The following RBFOX1 variants were observed in gnomAD, a reference collection of about 807,000 sequenced individuals.
RBFOX1 encodes RNA binding fox-1 homolog 1.
A neutral mutation model predicts 57.7 loss-of-function variants in RBFOX1; 8 were observed. The ratio of observed to expected loss-of-function variants is 0.14; its 90% confidence interval spans 0.08 to 0.25. The LOEUF is 0.25. Among genes scored for constraint, RBFOX1 ranks in the 10% least tolerant of loss-of-function variants. The probability of loss-of-function intolerance (pLI) is 1.00; values close to 1 mark genes in which losing one functional copy is unlikely to be tolerated. For missense variants in RBFOX1, 611 were observed against 548.5 expected (o/e 1.11, Z -1.14); for synonymous variants, 326 against 222.4 (o/e 1.47, Z -4.15).
chr16:7,156,262 G>GTGTACA (rs61624955), intron 4 of RBFOX1, among the ~76,000 whole-genome samples: 1 of 151,412 alleles, frequency 6.6e-6, no homozygotes, highest in Non-Finnish European at 1.5e-5. Flanking sequence ...ACATATGTAT[G>GTGTACA]TGTACATGTA....
chr16:6,116,859 G>A (rs1045763191), intron 1 of RBFOX1, among the ~76,000 whole-genome samples: 5 of 152,082 alleles, frequency 3.3e-5, no homozygotes, highest in African/African-American at 1.2e-4. Flanking sequence ...AGAGAGGCTG[G>A]TGGCTGTACA....
chr16:5,424,885 TTCTTTCTTTCTTTCTTTC>T (rs1232613579), intron 1 of RBFOX1, among the ~76,000 whole-genome samples: 1 of 50,026 alleles, frequency 2.0e-5, no homozygotes, highest in Admixed American at 2.0e-4. Context: ...TTTTCTTTCT[TTCTTTCTTTCTTTCTTTC>T]TTTCTTTCTT....
intron 5 of RBFOX1, among the ~76,000 whole-genome samples, chr16:7,563,932 G>A (rs1016410427): frequency 6.6e-6 from 1 of 152,102 alleles, no homozygotes; most frequent in Non-Finnish European, 1.5e-5. Context: ...TGTATAGTAG[G>A]TGCTCAGTAA....
intron 2 of RBFOX1, among the ~76,000 whole-genome samples, chr16:5,509,900 C>G (rs2043520871): frequency 1.3e-5 from 2 of 152,068 alleles, no homozygotes; most frequent in African/African-American, 2.4e-5. Context: ...GTGGAGGATC[C>G]CTTGAAGAGA....
chr16:7,036,617 C>G (rs1008865142), intron 3 of RBFOX1, among the ~76,000 whole-genome samples: 1 of 151,836 alleles, frequency 6.6e-6, no homozygotes, highest in East Asian at 1.9e-4. Context: ...CGCTTGAAAC[C>G]GTAAGGCGGA....
chr16:5,560,340 C>T (rs1327329875), intron 2 of RBFOX1, among the ~76,000 whole-genome samples: 1 of 152,082 alleles, frequency 6.6e-6, no homozygotes, highest in Non-Finnish European at 1.5e-5. Flanking sequence ...GTCACCTCCT[C>T]TAGGAACCAT....
intron 4 of RBFOX1, among the ~76,000 whole-genome samples, chr16:7,352,345 G>A (rs556147955): frequency 5.3e-5 from 8 of 152,262 alleles, no homozygotes; most frequent in East Asian, 3.9e-4. Flanking sequence ...TGACCAAGTC[G>A]GAGAGAACTG....
At chr16:5,885,638 C>G (rs1597637222) in intron 4 of RBFOX1, among the ~76,000 whole-genome samples, 1 of 152,144 alleles carries the variant, frequency 6.6e-6, no homozygotes, top group Admixed American at 6.5e-5. Context: ...TCTATGTTCT[C>G]TTTCAGAATT....
intron 3 of RBFOX1, among the ~76,000 whole-genome samples, chr16:6,893,697 A>G (rs1464621853): frequency 1.3e-5 from 2 of 152,244 alleles, no homozygotes; most frequent in Non-Finnish European, 2.9e-5. Flanking sequence ...TGTGGAAACT[A>G]AAATATCTTT....
chr16:7,570,068 CA>C (rs918887543), intron 5 of RBFOX1, among the ~76,000 whole-genome samples: 2 of 150,292 alleles, frequency 1.3e-5, no homozygotes, highest in African/African-American at 4.9e-5. Flanking sequence ...AGACATCCTC[CA>C]AAAAGAAAAG....
At chr16:6,225,518 A>C (rs2097409897) in intron 1 of RBFOX1, among the ~76,000 whole-genome samples, 1 of 152,174 alleles carries the variant, frequency 6.6e-6, no homozygotes, top group South Asian at 2.1e-4. Flanking sequence ...GCTCATTAAA[A>C]GTCAATCCTT....
chr16:5,958,388 C>A lies in RBFOX1; in HGVS notation c.351+91053C>A, dbSNP rs572397607. Among the ~76,000 whole-genome samples, 21 of 152,260 alleles carry A rather than the reference C, an allele frequency of 1.4e-4. No homozygotes were observed. In the East Asian group the frequency reaches 3.9e-3, roughly 28 times the overall value. ...AGTGTTGTCTGTGCTCTTGCCTGCT[C>A]CCTCAAAGCCTTCCTATCATACAGT... On this transcript the variant is annotated intron_variant, in intron 4 of 19. Transcript: ENST00000641259.
chr16:6,091,484 G>T (rs2096173029), intron 1 of RBFOX1, among the ~76,000 whole-genome samples: 2 of 151,864 alleles, frequency 1.3e-5, no homozygotes, highest in Admixed American at 6.6e-5. Flanking sequence ...CTATTTTATT[G>T]TCACTTTATC....
chr16:6,229,336 C>A (rs555365369), intron 1 of RBFOX1, among the ~76,000 whole-genome samples: 1 of 152,218 alleles, frequency 6.6e-6, no homozygotes, highest in Non-Finnish European at 1.5e-5. Flanking sequence ...TTCCTCTGCA[C>A]GCAGTGCAGA....
intron 3 of RBFOX1, among the ~76,000 whole-genome samples, chr16:6,921,638 TATATA>T (rs779266309): frequency 0.072 from 5,075 of 70,136 alleles, 121 homozygotes; most frequent in Non-Finnish European, 0.086. Flanking sequence ...TATATATATA[TATATA>T]TATTTTTTTT....
At position 7,250,470 on chromosome 16, in the gene RBFOX1, G is replaced by A. The variant is rs545456362; in HGVS notation, c.27+198372G>A. 3.3e-5 allele frequency among the ~76,000 whole-genome samples: 5 copies of A among 151,730 alleles called. No individual in the cohort carries two copies. The East Asian group carries it at 9.7e-4, about 29-fold the overall frequency. On this transcript the variant is annotated intron_variant, in intron 4 of 15. Transcript: ENST00000550418. ...AACCACAAGAGTTTCCTGCTTCATC[G>A]CCTCAGCTGCAGCCTCAGCTGCTGT...
At chr16:5,401,975 C>A (rs1486590248) in intron 1 of RBFOX1, among the ~76,000 whole-genome samples, 3 of 114,972 alleles carry the variant, frequency 2.6e-5, no homozygotes, top group Admixed American at 1.6e-4. Flanking sequence ...AAACAAAAGA[C>A]ACACAATGAA....
intron 3 of RBFOX1, among the ~76,000 whole-genome samples, chr16:5,727,186 G>T (rs2052184144): frequency 6.6e-6 from 1 of 152,108 alleles, no homozygotes; most frequent in African/African-American, 2.4e-5. Flanking sequence ...AGAATTGCTT[G>T]AAGTGAACCA....
chr16:6,486,082 CTTTTTTTTTTTT>C (rs71145234), intron 2 of RBFOX1, among the ~76,000 whole-genome samples: 34 of 62,966 alleles, frequency 5.4e-4, no homozygotes, highest in African/African-American at 2.2e-3. Context: ...CAGTAAAAGG[CTTTTTTTTTTTT>C]TTTTTTTTTT....
Sources: allele counts gnomAD v4.1 joint callset (sites outside exome capture counted in the v4.1 genomes callset), GRCh38; gene constraint gnomAD v4.1.1; transcripts MANE v1.5; gene names NCBI Gene and HGNC (gene_info 2026-07-23, HGNC 2026-07-21).